The following TBC1D1 variants were observed in gnomAD, a reference collection of about 807,000 sequenced individuals.
The protein encoded by TBC1D1 is TBC1 (tre-2/USP6, BUB2, cdc16) domain family, member 1.
Under a neutral mutation model 125.6 loss-of-function variants are expected in TBC1D1, and 89 were observed. The observed-to-expected ratio is 0.71, with a 90% CI of 0.60 to 0.85. The LOEUF is 0.85. TBC1D1 is among the 40% of genes least tolerant of loss of function. The pLI is 0.00. For synonymous variants in TBC1D1, 565 were observed against 564.1 expected, an observed-to-expected ratio of 1.00 and a Z score of -0.02; for missense variants, 1,377 against 1,469.2, an observed-to-expected ratio of 0.94 and a Z score of 1.03.
chr4:38,127,465 A>G (rs745450923), intron 18 of TBC1D1, among the ~76,000 whole-genome samples: 28 of 149,906 alleles, frequency 1.9e-4, no homozygotes, highest in Non-Finnish European at 3.4e-4. Context: ...GCTCACTGCA[A>G]CCTCCACCTT....
Position 38,114,881 on chromosome 4 carries a change from G to C in TBC1D1, c.2558-829G>C, listed in dbSNP as rs773042386. On this transcript the variant is annotated intron_variant, in intron 15 of 19. Transcript: ENST00000261439. ...ACACTGCCTATAGTTTGAAAGTACGGAGATATGCATGTGGTATGAAGCATT... is the reference window on the plus strand; with the variant it reads ...ACACTGCCTATAGTTTGAAAGTACGCAGATATGCATGTGGTATGAAGCATT... 5.0e-4 allele frequency among the ~76,000 whole-genome samples: 76 copies of C among 152,060 alleles called. 2 individuals are homozygous for C. The highest frequency in any genetic ancestry group is 2.1e-4 in the Non-Finnish European group (14 of 68,032).
intron 13 of TBC1D1, among the ~76,000 whole-genome samples, chr4:38,095,399 C>T (rs1163748991): frequency 5.9e-5 from 9 of 152,178 alleles, no homozygotes. Context: ...TAGCTCTCTT[C>T]ATATATTTGA....
intron 2 of TBC1D1, among the ~76,000 whole-genome samples, chr4:37,981,127 G>A (rs1318979294): frequency 6.6e-6 from 1 of 152,032 alleles, no homozygotes; most frequent in Non-Finnish European, 1.5e-5. Flanking sequence ...ATTTTTAGTA[G>A]AGACAGGGTT....
chr4:38,118,946 G>A (rs886350552), intron 17 of TBC1D1, among the ~76,000 whole-genome samples: 6 of 152,216 alleles, frequency 3.9e-5, no homozygotes, highest in Admixed American at 6.5e-5. Flanking sequence ...GTCCACGTGC[G>A]CATCAGGAAC....
intron 2 of TBC1D1, among the ~76,000 whole-genome samples, chr4:37,954,389 G>T (rs943264145): frequency 3.2e-4 from 28 of 86,714 alleles, no homozygotes; most frequent in African/African-American, 1.2e-3. Flanking sequence ...CATTCATTCA[G>T]TAAAAAAAAA....
chr4:37,905,158 C>G (rs1161094949), intron 2 of TBC1D1, among the ~76,000 whole-genome samples: 1 of 152,094 alleles, frequency 6.6e-6, no homozygotes, highest in Non-Finnish European at 1.5e-5. Flanking sequence ...TATAAGCATG[C>G]CATGAGATTG....
At chr4:38,045,252 A>C (rs1749174606) in intron 9 of TBC1D1, among the ~76,000 whole-genome samples, 1 of 152,198 alleles carries the variant, frequency 6.6e-6, no homozygotes, top group Admixed American at 6.5e-5. Context: ...GCAGTATCTT[A>C]TTATAGTTCT....
At chr4:38,125,805 C>T (rs1764539323) in intron 18 of TBC1D1, among the ~76,000 whole-genome samples, 1 of 152,152 alleles carries the variant, frequency 6.6e-6, no homozygotes, top group South Asian at 2.1e-4. Context: ...AAGGAAGAAC[C>T]TGCCAGTAAT....
At chr4:38,021,311 G>C (rs1000493108) in intron 5 of TBC1D1, among the ~76,000 whole-genome samples, 1 of 152,158 alleles carries the variant, frequency 6.6e-6, no homozygotes, top group African/African-American at 2.4e-5. Flanking sequence ...TGACATATGG[G>C]AATTATGGGA....
chr4:37,950,877 G>T (rs1322661135), intron 2 of TBC1D1, among the ~76,000 whole-genome samples: 3 of 151,562 alleles, frequency 2.0e-5, no homozygotes, highest in African/African-American at 7.3e-5. Flanking sequence ...TCCTGCCTCA[G>T]CCTCCCAAGT....
chr4:37,906,753 G>A (rs1421241093), intron 2 of TBC1D1, among the ~76,000 whole-genome samples: 3 of 152,162 alleles, frequency 2.0e-5, no homozygotes, highest in Non-Finnish European at 4.4e-5. Flanking sequence ...TAAATAATAT[G>A]CATTTTTCAT....
intron 2 of TBC1D1, among the ~76,000 whole-genome samples, chr4:37,945,551 A>AAAAAAAC (rs1726529845): frequency 8.3e-6 from 1 of 120,134 alleles, no homozygotes; most frequent in African/African-American, 3.3e-5. Flanking sequence ...AAAAAAAAAA[A>AAAAAAAC]GCCTAGAAGC....
chr4:38,025,960 G>C (rs1578323802), intron 6 of TBC1D1, among the ~76,000 whole-genome samples: 1 of 152,160 alleles, frequency 6.6e-6, no homozygotes, highest in South Asian at 2.1e-4. Context: ...GGCTCTGCTA[G>C]TCAGGGAGGG....
At chr4:38,074,761 TCTC>T (rs1755279757) in intron 12 of TBC1D1, among the ~76,000 whole-genome samples, 2 of 141,462 alleles carry the variant, frequency 1.4e-5, no homozygotes, top group Admixed American at 7.1e-5. Context: ...TTAGTCTCTC[TCTC>T]TTTTTTTTTT....
At chr4:38,063,437 AGGAAGGGTT>A (rs1753118923) in intron 12 of TBC1D1, among the ~76,000 whole-genome samples, 2 of 151,658 alleles carry the variant, frequency 1.3e-5, no homozygotes, top group Non-Finnish European at 2.9e-5. Context: ...CTGCAAGGGA[AGGAAGGGTT>A]GGATCAGCTC....
chr4:38,047,283 G>C (rs1749674171), intron 10 of TBC1D1, among the ~76,000 whole-genome samples: 1 of 152,132 alleles, frequency 6.6e-6, no homozygotes, highest in Admixed American at 6.5e-5. Context: ...TCTTGCCTCA[G>C]CCTCCTGAGT....
chr4:37,920,123 C>T (rs116002147), intron 2 of TBC1D1, among the ~76,000 whole-genome samples: 11,867 of 152,210 alleles, frequency 0.078, 584 homozygotes, highest in Non-Finnish European at 0.11. Flanking sequence ...AAAACAACAA[C>T]AACAACAAAA....
intron 8 of TBC1D1, among the ~76,000 whole-genome samples, chr4:38,036,204 T>C (rs1025450140): frequency 2.0e-5 from 3 of 151,944 alleles, no homozygotes; most frequent in African/African-American, 7.3e-5. Flanking sequence ...AAATACAGAG[T>C]CTCCCTCCCC....
chr4:38,029,536 G>A (rs1180935653), intron 7 of TBC1D1, among the ~76,000 whole-genome samples: 1 of 152,086 alleles, frequency 6.6e-6, no homozygotes, highest in Non-Finnish European at 1.5e-5. Flanking sequence ...ACACTGCTAA[G>A]TTTTGTATTT....
Sources: allele counts gnomAD v4.1 joint callset (sites outside exome capture counted in the v4.1 genomes callset), GRCh38; gene constraint gnomAD v4.1.1; transcripts MANE v1.5; gene names NCBI Gene and HGNC (gene_info 2026-07-23, HGNC 2026-07-21).